The following WNT2B variants were observed in gnomAD, a reference collection of about 807,000 sequenced individuals.
WNT2B encodes the protein protein Wnt-2b.
WNT2B carries 19 observed loss-of-function variants against 40.5 expected under a neutral mutation model. The observed-to-expected ratio is 0.47, with a 90% CI of 0.33 to 0.69. The LOEUF (loss-of-function observed/expected upper bound fraction) is 0.69, where lower values mean the gene tolerates loss of function less well. Ranked by LOEUF, WNT2B falls within the 30% of genes least tolerant of loss-of-function variation. The pLI is 0.02. For synonymous variants in WNT2B, 220 were observed against 211.9 expected (o/e 1.04, Z -0.33); for missense variants, 467 against 556.4 (o/e 0.84, Z 1.62).
At chr1:112,486,671 C>T (rs1651428326) in intron 1 of WNT2B, among the ~76,000 whole-genome samples, 1 of 150,304 alleles carries the variant, frequency 6.7e-6, no homozygotes, top group Non-Finnish European at 1.5e-5. Flanking sequence ...AAAAAAAAAC[C>T]CAATAAAAAT....
chr1:112,510,401 A>C (rs3790607), intron 1 of WNT2B, among the ~76,000 whole-genome samples: 13,560 of 152,096 alleles, frequency 0.089, 1,105 homozygotes, highest in East Asian at 0.37. Flanking sequence ...TCTTCACCCC[A>C]CAATCAAACT....
intron 1 of WNT2B, among the ~76,000 whole-genome samples, chr1:112,475,081 C>T (rs754569806): frequency 6.6e-6 from 1 of 152,100 alleles, no homozygotes; most frequent in Non-Finnish European, 1.5e-5. Context: ...TATAAATTAC[C>T]CAGTCTCAGG....
chr1:112,485,179 C>CA (rs1651373674), intron 1 of WNT2B, among the ~76,000 whole-genome samples: 1 of 152,110 alleles, frequency 6.6e-6, no homozygotes, highest in Admixed American at 6.5e-5. Context: ...GTCGTCAGGC[C>CA]TGGGGGCATG....
At chr1:112,484,254 TAC>T (rs1176000508) in intron 1 of WNT2B, among the ~76,000 whole-genome samples, 11 of 124,318 alleles carry the variant, frequency 8.8e-5, no homozygotes, top group Admixed American at 4.1e-4. Flanking sequence ...CACATATATA[TAC>T]ACATATATAT....
chr1:112,484,308 G>T (rs36078713), intron 1 of WNT2B, among the ~76,000 whole-genome samples: 73,432 of 138,466 alleles, frequency 0.53, 19,687 homozygotes, highest in African/African-American at 0.61. Context: ...CATATATATA[G>T]AGAGAGAGAG....
chr1:112,510,596 G>T (rs759480553), intron 1 of WNT2B, among the ~76,000 whole-genome samples: 1 of 152,116 alleles, frequency 6.6e-6, no homozygotes, highest in African/African-American at 2.4e-5. Flanking sequence ...CTGGCCGAGG[G>T]GCCCGCCAGC....
intron 1 of WNT2B, among the ~76,000 whole-genome samples, chr1:112,500,500 T>C (rs1257356202): frequency 6.6e-6 from 1 of 152,212 alleles, no homozygotes; most frequent in Non-Finnish European, 1.5e-5. Flanking sequence ...CCAGGTGCAG[T>C]AGCTCATGCC....
chr1:112,476,546 A>G (rs1651058858), intron 1 of WNT2B, among the ~76,000 whole-genome samples: 1 of 152,160 alleles, frequency 6.6e-6, no homozygotes, highest in Non-Finnish European at 1.5e-5. Flanking sequence ...ATATTAAAAA[A>G]TACAGAAAGT....
chr1:112,489,817 A>G (rs1167169616), intron 1 of WNT2B, among the ~76,000 whole-genome samples: 2 of 152,032 alleles, frequency 1.3e-5, no homozygotes, highest in South Asian at 2.1e-4. Context: ...AAGAAAATAT[A>G]GCATGTCCCT....
chr1:112,482,243 C>T (rs902389656), intron 1 of WNT2B, among the ~76,000 whole-genome samples: 5 of 151,852 alleles, frequency 3.3e-5, no homozygotes, highest in East Asian at 3.9e-4. Flanking sequence ...AGTTTGAACC[C>T]GAGAGGTCAA....
At chr1:112,477,781 A>G (rs1194042580) in intron 1 of WNT2B, among the ~76,000 whole-genome samples, 1 of 151,912 alleles carries the variant, frequency 6.6e-6, no homozygotes, top group East Asian at 1.9e-4. Context: ...TGATCAAGCA[A>G]AATAATTTTA....
intron 1 of WNT2B, among the ~76,000 whole-genome samples, chr1:112,478,609 A>G (rs1377819950): frequency 2.0e-5 from 3 of 152,144 alleles, no homozygotes; most frequent in African/African-American, 7.2e-5. Flanking sequence ...TACTATTCCT[A>G]GAAAAATTTT....
intron 1 of WNT2B, among the ~76,000 whole-genome samples, chr1:112,475,732 A>C (rs1428206463): frequency 1.3e-5 from 2 of 152,192 alleles, no homozygotes; most frequent in Non-Finnish European, 2.9e-5. Flanking sequence ...ATAAAAATAG[A>C]ATCATAAAAA....
chr1:112,469,915 A>G (rs1650821592), intron 1 of WNT2B, among the ~76,000 whole-genome samples: 1 of 152,078 alleles, frequency 6.6e-6, no homozygotes, highest in African/African-American at 2.4e-5. Context: ...TACCCGGCCT[A>G]TTTATATCTT....
chr1:112,521,164 T>C lies in WNT2B; in HGVS notation c.*655T>C, dbSNP rs1652851037. ...TTCTCTCTACCATTCTCAACCTGTA[T>C]TGGACAGCACTGCCTCTTTTGCTTA... is the stretch of plus-strand genomic sequence containing the variant. On this transcript the variant is annotated 3_prime_UTR_variant, in exon 5 of 5. Transcript: ENST00000369684. The C allele has an allele frequency of 1.3e-5, 2 of 153,076 alleles. No individual in the cohort carries two copies. The highest frequency in any genetic ancestry group is 4.1e-4 in the South Asian group (2 of 4,842). The allele number at this position is 153,076 out of a possible 1,614,324, so 9.5% of individuals were successfully genotyped here.
At chr1:112,491,351 G>A (rs956824755) in intron 1 of WNT2B, among the ~76,000 whole-genome samples, 1 of 152,200 alleles carries the variant, frequency 6.6e-6, no homozygotes, top group Non-Finnish European at 1.5e-5. Flanking sequence ...AGGTTGCAGT[G>A]AGCTGAGATT....
intron 1 of WNT2B, among the ~76,000 whole-genome samples, chr1:112,498,536 ATCTC>A (rs577264886): frequency 1.3e-5 from 2 of 150,516 alleles, no homozygotes; most frequent in Middle Eastern, 6.9e-3. Flanking sequence ...CACCCAGCCA[ATCTC>A]TCTCTTTTTT....
chr1:112,492,937 T>C (rs925323660), intron 1 of WNT2B, among the ~76,000 whole-genome samples: 3 of 152,202 alleles, frequency 2.0e-5, no homozygotes, highest in African/African-American at 4.8e-5. Context: ...CATTACTAAA[T>C]GCCTATTTAC....
At chr1:112,488,104 C>T (rs1200065748) in intron 1 of WNT2B, among the ~76,000 whole-genome samples, 4 of 151,964 alleles carry the variant, frequency 2.6e-5, no homozygotes, top group South Asian at 4.1e-4. Flanking sequence ...AGAGATCAGC[C>T]TGGCCAACAT....
Sources: allele counts gnomAD v4.1 joint callset (sites outside exome capture counted in the v4.1 genomes callset), GRCh38; gene constraint gnomAD v4.1.1; transcripts MANE v1.5; gene names NCBI Gene and HGNC (gene_info 2026-07-23, HGNC 2026-07-21).